The following ECPAS variants were observed in gnomAD, a reference collection of about 807,000 sequenced individuals.
The protein encoded by ECPAS is Ecm29 proteasome adaptor and scaffold, also known as proteasome adapter and scaffold protein ECM29.
Under a neutral mutation model 255.1 loss-of-function variants are expected in ECPAS, and 70 were observed. The ratio of observed to expected loss-of-function variants is 0.27; its 90% confidence interval spans 0.23 to 0.33. The LOEUF is 0.33. Among genes scored for constraint, ECPAS ranks in the 10% least tolerant of loss-of-function variants. The pLI, the probability that ECPAS is intolerant of heterozygous loss-of-function variation, is 1.00. For synonymous variants in ECPAS, 784 were observed against 775.0 expected, an observed-to-expected ratio of 1.01 and a Z score of -0.19; for missense variants, 1,817 against 2,206.4, an observed-to-expected ratio of 0.82 and a Z score of 3.54.
chr9:111,480,012 T>A (rs1432255908), intron 1 of ECPAS, among the ~76,000 whole-genome samples: 2 of 151,974 alleles, frequency 1.3e-5, no homozygotes, highest in Non-Finnish European at 1.5e-5. Flanking sequence ...TAACAATTTT[T>A]AAAAATCTAC....
At position 111,449,843 on chromosome 9, in the gene ECPAS, G is replaced by A. The variant is rs185851191; in HGVS notation, c.153+1582C>T. ...ATCAGGCTTCGTCTCATGCACTGGGGACATCACTGTGGCCTTCTCCAATTT... is the reference window on the plus strand; with the variant it reads ...ATCAGGCTTCGTCTCATGCACTGGGAACATCACTGTGGCCTTCTCCAATTT... On this transcript the variant is annotated intron_variant, in intron 3 of 49. Transcript: ENST00000684092. 1.3e-3 allele frequency among the ~76,000 whole-genome samples: 191 copies of A among 152,148 alleles called. 1 individual carries two copies. The highest frequency in any genetic ancestry group is 2.0e-3 in the Non-Finnish European group (139 of 67,996).
intron 1 of ECPAS, among the ~76,000 whole-genome samples, chr9:111,473,393 A>G (rs1047994377): frequency 6.6e-6 from 1 of 152,230 alleles, no homozygotes; most frequent in South Asian, 2.1e-4. Context: ...ACATGTATAC[A>G]TGTTTTTAGC....
At chr9:111,376,436 T>C (rs1456961155) in intron 37 of ECPAS, 40 bp downstream of exon 37, 2 of 1,469,518 alleles carry the variant, frequency 1.4e-6, no homozygotes, top group Admixed American at 3.9e-5. Flanking sequence ...CACTTTCAGG[T>C]AAGCAAACAA....
Position 111,373,169 on chromosome 9 carries a change from C to A in ECPAS, c.4336+1G>T. 1 of 1,611,492 alleles carries A rather than the reference C, an allele frequency of 6.2e-7. No individual in the cohort carries two copies. The highest frequency in any genetic ancestry group is 8.5e-7 in the Non-Finnish European group (1 of 1,177,728). ...GACATAAAATAGAAAAAGAAAGGTA[C>A]CTTCTTTCTCCATATACCACCCATT... On this transcript the variant is annotated splice_donor_variant, in intron 41 of 49. Coordinates refer to ENST00000684092, the MANE Select transcript of ECPAS (RefSeq NM_001364929.1). LOFTEE classifies it high-confidence loss of function.
Position 111,361,408 on chromosome 9 carries a change from C to G in ECPAS, c.*622G>C, listed in dbSNP as rs888150999. 2.6e-5 allele frequency: 4 copies of G among 152,336 alleles called. No individual in the cohort carries two copies. Among genetic ancestry groups the G allele is most frequent in the Middle Eastern group, 3.4e-3 (1 of 294 alleles). The allele number at this position is 152,336 out of a possible 1,614,324, so 9.4% of individuals were successfully genotyped here. On this transcript the variant is annotated 3_prime_UTR_variant, in exon 50 of 50. Transcript: ENST00000684092. ...ATGTTTAGCTTCTGGCTTTCAGAAA[C>G]CCAATGGTAAGGGTCAGTTTAGTTC...
At position 111,484,107 on chromosome 9, in the gene ECPAS, G is replaced by T; in HGVS notation, c.-83+9C>A. ...CCAGTCCCCCGCGGCCCGGGGGCGG[G>T]CCTCTGACCTGAGTCGGAGCCGGTC... On this transcript the variant is annotated intron_variant, in intron 1 of 49. Coordinates refer to ENST00000684092, the MANE Select transcript of ECPAS (RefSeq NM_001364929.1). 1 of 1,370,834 alleles carries T rather than the reference G, an allele frequency of 7.3e-7. No individual in the cohort carries two copies. The highest frequency in any genetic ancestry group is 9.4e-7 in the Non-Finnish European group (1 of 1,059,776). The allele number at this position is 1,370,834 out of a possible 1,614,324, so 84.9% of individuals were successfully genotyped here.
intron 5 of ECPAS, among the ~76,000 whole-genome samples, chr9:111,440,744 C>G (rs2098244687): frequency 6.6e-6 from 1 of 152,172 alleles, no homozygotes; most frequent in Non-Finnish European, 1.5e-5. Context: ...TTTAGCCAAT[C>G]TGGCTCATGA....
rs554631905 is a variant in ECPAS at position 111,427,780 on chromosome 9, G to A, written c.1050+262C>T. 4.6e-5 allele frequency among the ~76,000 whole-genome samples: 7 copies of A among 152,270 alleles called. No homozygotes were observed. In the South Asian group the frequency reaches 1.5e-3, roughly 32 times the overall value. On this transcript the variant is annotated intron_variant, in intron 10 of 49. Transcript: ENST00000684092. Reference sequence around the variant, plus strand: ...CCAGGTATGGAATTTTGCACTTGGAGCATCATGTCAGTACAAAGTTTTGGA... The same window carrying A: ...CCAGGTATGGAATTTTGCACTTGGAACATCATGTCAGTACAAAGTTTTGGA...
At chr9:111,460,625 TC>T (rs946789557) in intron 2 of ECPAS, among the ~76,000 whole-genome samples, 49 of 152,084 alleles carry the variant, frequency 3.2e-4, no homozygotes, top group African/African-American at 1.1e-3. Context: ...AATACACAAA[TC>T]AATTGGTTTC....
rs570259199 is a variant in ECPAS, at chr9:111,378,599, C to G, written c.3935G>C (p.Arg1312Pro). 6 of 1,613,242 alleles carry G rather than the reference C, an allele frequency of 3.7e-6. No individual in the cohort carries two copies. Among genetic ancestry groups the G allele is most frequent in the Non-Finnish European group, 5.1e-6 (6 of 1,179,484 alleles). ...ACTCACCTTTTCTTGCTCTGTCGCC[C>G]GGAGGCTCAAATAATTGAGAACTTG... Reference protein sequence around the residue: ...EPQVLNYLSLRATEQEKAAMD... With the variant: ...EPQVLNYLSLPATEQEKAAMD... Residue 1312 changes from arginine (R) to proline (P), a missense_variant, in exon 36 of 50, where the codon CGG becomes CCG. This residue lies in a region of ECPAS where 960 missense variants were observed against 1,179.0 expected (regional missense o/e 0.81). Transcript: ENST00000684092.
chr9:111,433,584 T>C (rs1210463422), intron 7 of ECPAS, among the ~76,000 whole-genome samples: 1 of 152,166 alleles, frequency 6.6e-6, no homozygotes, highest in East Asian at 1.9e-4. Context: ...AATCAATCAT[T>C]ATACCCATTT....
chr9:111,362,272 A>C, intron 49 of ECPAS, 103 bp from the exon 50 acceptor site: 1 of 926,062 alleles, frequency 1.1e-6, no homozygotes, highest in Non-Finnish European at 1.6e-6. Flanking sequence ...AAATTTAAAA[A>C]TATCCTATCC....
chr9:111,476,574 ATTTTTTT>A (rs58723893), intron 1 of ECPAS, among the ~76,000 whole-genome samples: 1 of 105,944 alleles, frequency 9.4e-6, no homozygotes, highest in Non-Finnish European at 1.8e-5. Context: ...TAACATCAGA[ATTTTTTT>A]TTTTTTTTTT....
intron 24 of ECPAS, among the ~76,000 whole-genome samples, chr9:111,403,605 G>A (rs939408657): frequency 4.0e-5 from 6 of 149,594 alleles, no homozygotes; most frequent in African/African-American, 1.3e-4. Flanking sequence ...GCACTCAAAC[G>A]TATAAAGCAT....
chr9:111,409,905 C>T, intron 23 of ECPAS, 136 bp downstream of exon 23: 1 of 681,082 alleles, frequency 1.5e-6, no homozygotes, highest in Non-Finnish European at 2.5e-6. Flanking sequence ...TTAAGACTTG[C>T]TTCTTTATCA....
rs1589157666 is a variant in ECPAS at position 111,409,935 on chromosome 9, C to T, written c.2550+106G>A. On this transcript the variant is annotated intron_variant, in intron 23 of 49. Transcript: ENST00000684092. Reference sequence around the variant, plus strand: ...TTATCACCCATTTTTACATTAAATCCTTCCTCCAGCTGTAATGCCATCTAT... The same window carrying T: ...TTATCACCCATTTTTACATTAAATCTTTCCTCCAGCTGTAATGCCATCTAT... 3 of 827,000 alleles carry T rather than the reference C, an allele frequency of 3.6e-6. No homozygotes were observed. The East Asian group carries it at 8.1e-5, about 22-fold the overall frequency. The allele number at this position is 827,000 out of a possible 1,614,324, so 51.2% of individuals were successfully genotyped here. A position where few individuals can be genotyped will look rare whatever the true frequency, so the allele number is the denominator to read the frequency against.
chr9:111,439,869 T>TGG (rs2098243390), intron 6 of ECPAS, among the ~76,000 whole-genome samples: 2 of 151,362 alleles, frequency 1.3e-5, no homozygotes, highest in Admixed American at 1.3e-4. Flanking sequence ...CAAAACTAGA[T>TGG]GATAGCAGTG....
At chr9:111,366,752 G>A in intron 46 of ECPAS, 125 bp from the exon 47 acceptor site, 4 of 652,854 alleles carry the variant, frequency 6.1e-6, no homozygotes, top group Middle Eastern at 2.5e-4. Context: ...GAGAAGGTGG[G>A]GAGGATAAGA....
At chr9:111,441,969 T>C (rs1300442752) in intron 5 of ECPAS, among the ~76,000 whole-genome samples, 3 of 152,238 alleles carry the variant, frequency 2.0e-5, no homozygotes, top group African/African-American at 7.2e-5. Context: ...TGTGAAACTT[T>C]ATATCTTCCA....
Sources: gnomAD v4.1 joint callset for allele counts (sites outside exome capture counted in the v4.1 genomes callset) on GRCh38, gnomAD v4.1.1 for gene constraint, gnomAD v4.1.1 regional missense constraint, MANE v1.5 for transcripts, NCBI Gene and HGNC (gene_info 2026-07-23, HGNC 2026-07-21) for gene names.